BTBD9: variants seen among roughly 807,000 people sequenced by gnomAD.
The protein encoded by BTBD9 is BTB/POZ domain-containing protein 9.
Under a neutral mutation model 64.3 loss-of-function variants are expected in BTBD9, and 49 were observed. The ratio of observed to expected loss-of-function variants is 0.76; its 90% CI spans 0.61 to 0.97. BTBD9 has a LOEUF of 0.97. Ranked by LOEUF, BTBD9 falls within the 50% of genes least tolerant of loss-of-function variation. BTBD9 has a pLI of 0.00. For missense variants in BTBD9, 598 were observed against 762.1 expected (o/e 0.78, Z 2.53); for synonymous variants, 260 against 274.7 (o/e 0.95, Z 0.53).
intron 6 of BTBD9, among the ~76,000 whole-genome samples, chr6:38,492,997 G>T (rs1771772068): frequency 6.6e-6 from 1 of 151,944 alleles, no homozygotes; most frequent in African/African-American, 2.4e-5. Context: ...TTAAAAAATT[G>T]TCCATTCAAT....
chr6:38,417,800 G>GAGAGAGAGAGA (rs1554149297), intron 6 of BTBD9, among the ~76,000 whole-genome samples: 83 of 143,038 alleles, frequency 5.8e-4, no homozygotes, highest in East Asian at 2.8e-3. Context: ...GAGAGAGAGA[G>GAGAGAGAGAGA]AAAAAAAATA....
At chr6:38,518,272 T>TA in intron 6 of BTBD9, among the ~76,000 whole-genome samples, 1 of 152,310 alleles carries the variant, frequency 6.6e-6, no homozygotes, top group South Asian at 2.1e-4. Context: ...ACTAATTGTA[T>TA]CAGTCCTAAT....
intron 9 of BTBD9, among the ~76,000 whole-genome samples, chr6:38,251,495 C>T (rs971165894): frequency 3.3e-5 from 5 of 152,110 alleles, no homozygotes; most frequent in Admixed American, 1.3e-4. Flanking sequence ...GAACTCCTGA[C>T]CTCAGGTGAT....
intron 8 of BTBD9, among the ~76,000 whole-genome samples, chr6:38,265,434 T>C (rs1764937760): frequency 6.6e-6 from 1 of 151,758 alleles, no homozygotes; most frequent in Admixed American, 6.6e-5. Context: ...GCCTGGAGGA[T>C]ATAACTGTGG....
chr6:38,435,063 A>G lies in BTBD9; in HGVS notation c.1155-89970T>C, dbSNP rs569122398. Among the ~76,000 whole-genome samples, 10 of 151,830 alleles carry G rather than the reference A, an allele frequency of 6.6e-5. No homozygotes were observed. The South Asian group carries it at 1.7e-3, about 25-fold the overall frequency. On this transcript the variant is annotated intron_variant, in intron 6 of 10. Transcript: ENST00000481247. ...TACAAAATTAGCCAGGCATGGTGGC[A>G]CATGCCTGTAATCCCAGCTACTCGG...
At chr6:38,255,303 T>G (rs968365161) in intron 9 of BTBD9, among the ~76,000 whole-genome samples, 1 of 152,156 alleles carries the variant, frequency 6.6e-6, no homozygotes, top group Non-Finnish European at 1.5e-5. Flanking sequence ...GGGAAGATGT[T>G]TCTTTTTGGG....
chr6:38,223,771 C>T (rs988073302), intron 9 of BTBD9, among the ~76,000 whole-genome samples: 1 of 151,800 alleles, frequency 6.6e-6, no homozygotes, highest in African/African-American at 2.4e-5. Flanking sequence ...TTTGGATTCT[C>T]CTTTTTTTTT....
At chr6:38,206,735 C>A (rs1250691075) in intron 9 of BTBD9, among the ~76,000 whole-genome samples, 3 of 151,802 alleles carry the variant, frequency 2.0e-5, no homozygotes, top group African/African-American at 7.3e-5. Flanking sequence ...GGGCAGAGGG[C>A]AATGAAACTA....
At chr6:38,189,045 G>A (rs1761940117) in intron 10 of BTBD9, among the ~76,000 whole-genome samples, 1 of 152,140 alleles carries the variant, frequency 6.6e-6, no homozygotes, top group African/African-American at 2.4e-5. Flanking sequence ...AAACAAGCAG[G>A]GACAGACAGA....
chr6:38,518,195 C>T (rs1469553157), intron 6 of BTBD9, among the ~76,000 whole-genome samples: 2 of 151,892 alleles, frequency 1.3e-5, no homozygotes, highest in African/African-American at 2.4e-5. Flanking sequence ...CTTCAGAGGA[C>T]AAGATCAGGC....
At chr6:38,549,427 T>G (rs1774697469) in intron 6 of BTBD9, among the ~76,000 whole-genome samples, 1 of 152,182 alleles carries the variant, frequency 6.6e-6, no homozygotes, top group Admixed American at 6.5e-5. Context: ...CCTGGTAACC[T>G]GCTTTGGAGG....
chr6:38,430,646 G>T (rs1768403532), intron 6 of BTBD9, among the ~76,000 whole-genome samples: 1 of 151,836 alleles, frequency 6.6e-6, no homozygotes, highest in Non-Finnish European at 1.5e-5. Flanking sequence ...CTCTTGAGTA[G>T]CTGGGACTAC....
chr6:38,357,067 ACT>A (rs969559400), intron 6 of BTBD9, among the ~76,000 whole-genome samples: 2 of 152,112 alleles, frequency 1.3e-5, no homozygotes, highest in African/African-American at 4.8e-5. Flanking sequence ...TTTTAGAGAC[ACT>A]CTGTTTTATC....
chr6:38,307,900 T>TA (rs1762682658), intron 7 of BTBD9, among the ~76,000 whole-genome samples: 1 of 152,182 alleles, frequency 6.6e-6, no homozygotes, highest in African/African-American at 2.4e-5. Context: ...GCCTGCTTTC[T>TA]AGAAGATAAG....
intron 10 of BTBD9, among the ~76,000 whole-genome samples, chr6:38,191,777 T>C (rs146645648): frequency 3.0e-4 from 45 of 152,210 alleles, no homozygotes; most frequent in African/African-American, 1.0e-3. Context: ...GGAGGCGGGA[T>C]TGCGTGTGGG....
intron 6 of BTBD9, among the ~76,000 whole-genome samples, chr6:38,354,610 T>C (rs1488497475): frequency 2.0e-5 from 3 of 152,130 alleles, no homozygotes; most frequent in Non-Finnish European, 4.4e-5. Flanking sequence ...GCCCAATGCA[T>C]TGAAGTCCCA....
intron 8 of BTBD9, among the ~76,000 whole-genome samples, chr6:38,286,045 C>G (rs2127554047): frequency 6.6e-6 from 1 of 152,286 alleles, no homozygotes; most frequent in East Asian, 1.9e-4. Context: ...TGCTATTCGA[C>G]AGAAGTTTAT....
In BTBD9 at chr6:38,173,737, T is replaced by C. The variant is rs1444198119; in HGVS notation, c.*1248A>G. On this transcript the variant is annotated 3_prime_UTR_variant, in exon 11 of 11. Transcript: ENST00000481247. ...GCAGTGCTGCTCACGTGCCATGCCG[T>C]CCTGGGGAGACTCCCAGGCTGATGC... 2.0e-5 allele frequency: 3 copies of C among 152,236 alleles called. No homozygotes were observed. Among genetic ancestry groups the C allele is most frequent in the Non-Finnish European group, 2.9e-5 (2 of 68,086 alleles). 9.4% of individuals were successfully genotyped at this position (152,236 alleles called of 1,614,324 possible). A position where few individuals can be genotyped will look rare whatever the true frequency, so the allele number is the denominator to read the frequency against.
chr6:38,487,280 C>A (rs1359888753), intron 6 of BTBD9, among the ~76,000 whole-genome samples: 1 of 152,050 alleles, frequency 6.6e-6, no homozygotes, highest in Admixed American at 6.6e-5. Context: ...AATCTGAAGA[C>A]CTACCTTAGG....
Sources: allele counts gnomAD v4.1 joint callset (sites outside exome capture counted in the v4.1 genomes callset), GRCh38; gene constraint gnomAD v4.1.1; transcripts MANE v1.5; gene names NCBI Gene and HGNC (gene_info 2026-07-23, HGNC 2026-07-21).